The following NMBR variants were observed in gnomAD, a reference collection of about 807,000 sequenced individuals.
NMBR encodes neuromedin B receptor, also known as neuromedin-B receptor.
In NMBR, 16 loss-of-function variants were observed where a neutral mutation model predicts 20.5. The ratio of observed to expected loss-of-function variants is 0.78; its 90% CI spans 0.53 to 1.19. The LOEUF (loss-of-function observed/expected upper bound fraction) is 1.19. NMBR is among the 50% of genes most tolerant of loss of function. The pLI, the probability that NMBR is intolerant of heterozygous loss-of-function variation, is 0.00. For synonymous variants in NMBR, 212 were observed against 196.6 expected, an observed-to-expected ratio of 1.08 and a Z score of -0.65; for missense variants, 582 against 499.1, an observed-to-expected ratio of 1.17 and a Z score of -1.58.
At chr6:142,091,645 A>G (rs1777325258) in intron 1 of NMBR, among the ~76,000 whole-genome samples, 1 of 150,320 alleles carries the variant, frequency 6.7e-6, no homozygotes, top group Admixed American at 6.6e-5. Flanking sequence ...TGATTCACAG[A>G]GACAAGATAA....
At chr6:142,109,053 A>G (rs950168069) in intron 1 of NMBR, among the ~76,000 whole-genome samples, 8 of 152,210 alleles carry the variant, frequency 5.3e-5, no homozygotes, top group Admixed American at 2.6e-4. Flanking sequence ...CAGCTGATGC[A>G]TGAGGTGGGC....
At chr6:142,146,972 T>A (rs1778449132) in intron 1 of NMBR, among the ~76,000 whole-genome samples, 72 bp downstream of exon 1, 1 of 152,210 alleles carries the variant, frequency 6.6e-6, no homozygotes, top group Non-Finnish European at 1.5e-5. Flanking sequence ...TTTTTCCTTT[T>A]CTATCCTTCC....
In NMBR at chr6:142,140,090, A is replaced by G. The variant is rs557545928; in HGVS notation, c.-664+6954T>C. On this transcript the variant is annotated intron_variant, in intron 1 of 3. Transcript: ENST00000258042. ...AAAATTGACAGCTGAAAATACATCT[A>G]TTATGAAAAAGGAAACATAAATGTA... Among the ~76,000 whole-genome samples, 63 of 152,306 alleles carry G rather than the reference A, an allele frequency of 4.1e-4. No individual in the cohort carries two copies. In the East Asian group the frequency reaches 0.01, roughly 25 times the overall value.
In NMBR at chr6:142,088,694, C is replaced by G. The variant is rs532978158; in HGVS notation, c.-36G>C. 6.4e-7 allele frequency: 1 copy of G among 1,565,822 alleles called. No homozygotes were observed. Among genetic ancestry groups the G allele is most frequent in the Admixed American group, 1.7e-5 (1 of 58,158 alleles). ...CCAGCAGAGTCCGCTGGAGTTTTCACGCGCTCCGGTGCCCTGAGGACTGAA... is the reference window on the plus strand; with the variant it reads ...CCAGCAGAGTCCGCTGGAGTTTTCAGGCGCTCCGGTGCCCTGAGGACTGAA... On this transcript the variant is annotated 5_prime_UTR_variant, in exon 2 of 4. Coordinates refer to ENST00000258042, the MANE Select transcript of NMBR (RefSeq NM_002511.4).
intron 1 of NMBR, among the ~76,000 whole-genome samples, chr6:142,145,020 T>TAAAAAAA (rs34522158): frequency 2.0e-5 from 2 of 97,614 alleles, no homozygotes; most frequent in South Asian, 4.1e-4. Context: ...AGAACCTGTC[T>TAAAAAAA]AAAAAAAAAA....
At chr6:142,133,790 T>C in intron 1 of NMBR, 1 of 550,670 alleles carries the variant, frequency 1.8e-6, no homozygotes, top group East Asian at 2.8e-5. Flanking sequence ...AGGATTTTTT[T>C]AAATGTCCTC....
intron 1 of NMBR, among the ~76,000 whole-genome samples, chr6:142,121,676 A>T (rs1169633817): frequency 6.6e-6 from 1 of 151,840 alleles, no homozygotes; most frequent in Non-Finnish European, 1.5e-5. Flanking sequence ...AGCAAACAAC[A>T]GAAACCTTTT....
intron 1 of NMBR, among the ~76,000 whole-genome samples, chr6:142,118,359 T>TAA (rs1204324549): frequency 1.3e-4 from 20 of 152,002 alleles, no homozygotes; most frequent in Non-Finnish European, 2.9e-5. Flanking sequence ...AATGACAGTT[T>TAA]TTGATTACTT....
intron 1 of NMBR, among the ~76,000 whole-genome samples, chr6:142,098,031 TA>T (rs1777492117): frequency 6.6e-6 from 1 of 151,844 alleles, no homozygotes; most frequent in African/African-American, 2.4e-5. Flanking sequence ...AAAAAATGAA[TA>T]AAGTGTGCAC....
At chr6:142,123,603 A>G (rs1049154754) in intron 1 of NMBR, among the ~76,000 whole-genome samples, 1 of 151,932 alleles carries the variant, frequency 6.6e-6, no homozygotes, top group Non-Finnish European at 1.5e-5. Flanking sequence ...AAATTGCCAC[A>G]GTCACCCCAA....
intron 1 of NMBR, among the ~76,000 whole-genome samples, chr6:142,125,488 T>G (rs376665961): frequency 6.6e-6 from 1 of 151,660 alleles, no homozygotes; most frequent in Non-Finnish European, 1.5e-5. Context: ...CATATACATG[T>G]GCATGCATAT....
rs947018395 is a variant in NMBR at position 142,095,314 on chromosome 6, G to T, written c.-663-5993C>A. ...TTGTCATAGATAGCTCTGATTATTT[G>T]GAGATACGTCCCATCAATACCTAAT... is the stretch of plus-strand genomic sequence containing the variant. On this transcript the variant is annotated intron_variant, in intron 1 of 3. Transcript: ENST00000258042. Among the ~76,000 whole-genome samples, 5 of 152,120 alleles carry T rather than the reference G, an allele frequency of 3.3e-5. No homozygotes were observed. In the East Asian group the frequency reaches 5.8e-4, roughly 18 times the overall value.
rs184775739 is a variant in NMBR at position 142,097,768 on chromosome 6, A to T, written c.-663-8447T>A. On this transcript the variant is annotated intron_variant, in intron 1 of 3. Transcript: ENST00000258042. ...CTAAACCAATAATGGCACAGATGAT[A>T]GATGTATAAAAGAACATGAAAAATG... Among the ~76,000 whole-genome samples, 16 of 152,254 alleles carry T rather than the reference A, an allele frequency of 1.1e-4. No individual in the cohort carries two copies. In the East Asian group the frequency reaches 2.9e-3, roughly 28 times the overall value.
intron 1 of NMBR, among the ~76,000 whole-genome samples, chr6:142,109,115 C>T: frequency 6.6e-6 from 1 of 152,214 alleles, no homozygotes; most frequent in East Asian, 1.9e-4. Flanking sequence ...GTACAGCTCC[C>T]TGCTTCAGCT....
intron 1 of NMBR, chr6:142,133,699 A>T (rs1778188728): frequency 2.2e-6 from 1 of 462,316 alleles, no homozygotes; most frequent in Non-Finnish European, 3.8e-6. Flanking sequence ...ATAATGCAGG[A>T]ATTATATTTG....
chr6:142,113,992 G>C (rs959892124), intron 1 of NMBR, among the ~76,000 whole-genome samples: 5 of 152,072 alleles, frequency 3.3e-5, no homozygotes, highest in Admixed American at 6.6e-5. Flanking sequence ...TTCCCCCTAC[G>C]TGGCATCTTT....
intron 2 of NMBR, among the ~76,000 whole-genome samples, chr6:142,087,682 C>T (rs562908077): frequency 1.3e-5 from 2 of 152,268 alleles, no homozygotes; most frequent in East Asian, 3.9e-4. Flanking sequence ...TGTGAAAAGT[C>T]ATCTGCCCAA....
intron 3 of NMBR, among the ~76,000 whole-genome samples, chr6:142,076,265 G>A (rs758882442): frequency 1.3e-5 from 2 of 152,088 alleles, no homozygotes; most frequent in Non-Finnish European, 2.9e-5. Flanking sequence ...ATATTTGACA[G>A]CTTATACAAA....
intron 1 of NMBR, among the ~76,000 whole-genome samples, chr6:142,104,426 G>T (rs1054881191): frequency 6.6e-6 from 1 of 152,194 alleles, no homozygotes; most frequent in African/African-American, 2.4e-5. Flanking sequence ...GGCTTCTCTC[G>T]CCTTTGGATG....
Sources: allele counts gnomAD v4.1 joint callset (sites outside exome capture counted in the v4.1 genomes callset), GRCh38; gene constraint gnomAD v4.1.1; transcripts MANE v1.5; gene names NCBI Gene and HGNC (gene_info 2026-07-23, HGNC 2026-07-21).